The following GBP3 variants were observed in gnomAD, a reference collection of about 807,000 sequenced individuals.
The protein encoded by GBP3 is guanylate-binding protein 3.
In GBP3, 55 loss-of-function variants were observed where a neutral mutation model predicts 62.4. That is an observed-to-expected ratio of 0.88 (90% CI 0.71 to 1.10). GBP3 has a LOEUF of 1.10. GBP3 is among the 50% of genes least tolerant of loss of function. GBP3 has a pLI of 0.00. For synonymous variants in GBP3, 208 were observed against 259.2 expected (o/e 0.80, Z 1.90); for missense variants, 605 against 690.6 (o/e 0.88, Z 1.39).
intron 4 of GBP3, 131 bp downstream of exon 4, chr1:89,014,416 C>T (rs1361393859): frequency 6.3e-7 from 1 of 1,594,892 alleles, no homozygotes; most frequent in Non-Finnish European, 8.5e-7. Flanking sequence ...TGGGATCTCT[C>T]CTCTGTACTT....
At position 89,013,641 on chromosome 1, in the gene GBP3, T is replaced by A. The variant is rs913997827; in HGVS notation, c.626-214A>T. 162 of 556,146 alleles carry A rather than the reference T, an allele frequency of 2.9e-4. 7 individuals are homozygous for A. The South Asian group carries it at 3.7e-3, about 13-fold the overall frequency. 34.5% of individuals were successfully genotyped at this position (556,146 alleles called of 1,614,324 possible). On this transcript the variant is annotated intron_variant, in intron 5 of 10. Transcript: ENST00000370481. ...TTAGAAAGACAGCTGGCAGGCAGAATTGGCCATCATTTGTCTTAGGCTGCA... is the reference window on the plus strand; with the variant it reads ...TTAGAAAGACAGCTGGCAGGCAGAAATGGCCATCATTTGTCTTAGGCTGCA...
At position 89,014,669 on chromosome 1, in the gene GBP3, A is replaced by G. The variant is rs749127167; in HGVS notation, c.319-13T>C. ...TCTGGTTGTCACCCTGGAAGTCAAG[A>G]CACACTGGAGTCAGGAGCAAGTTTC... is the stretch of plus-strand genomic sequence containing the variant. On this transcript the variant is annotated splice_polypyrimidine_tract_variant and intron_variant, in intron 3 of 10. Transcript: ENST00000370481. The G allele has an allele frequency of 1.9e-6, 3 of 1,613,984 alleles. No individual in the cohort carries two copies. The highest frequency in any genetic ancestry group is 2.5e-6 in the Non-Finnish European group (3 of 1,179,924).
intron 10 of GBP3, among the ~76,000 whole-genome samples, chr1:89,008,581 A>G (rs1199032289): frequency 1.3e-5 from 2 of 151,050 alleles, no homozygotes; most frequent in Non-Finnish European, 2.9e-5. Context: ...GTGTGACACT[A>G]TAAAAGTTAT....
At chr1:89,022,618 T>A (rs1679309073) in intron 1 of GBP3, 66 bp downstream of exon 1, 1 of 152,222 alleles carries the variant, frequency 6.6e-6, no homozygotes, top group Non-Finnish European at 1.5e-5. Context: ...TGCCACAACG[T>A]TATAGGCTCC....
rs1678832023 is a variant in GBP3 at position 89,015,363 on chromosome 1, C to G, written c.242G>C (p.Trp81Ser). Residue 81 changes from tryptophan to serine, a missense_variant, in exon 3 of 11, where the codon TGG becomes TCG. By Grantham distance (177) the Trp-to-Ser change is radical (BLOSUM62 -3). Transcript: ENST00000370481. ...VKSHTKGIWM[W>S]CVPHPKKPEH... ...TGGCTTTTTGGGGTGAGGCACACAC[C>G]ACATCCAGATTCCTTTGGTGTGAGA... 2 of 1,613,410 alleles carry G rather than the reference C, an allele frequency of 1.2e-6. No homozygotes were observed. Among genetic ancestry groups the G allele is most frequent in the Non-Finnish European group, 1.7e-6 (2 of 1,179,752 alleles).
At position 89,011,872 on chromosome 1, in the gene GBP3, G is replaced by A. The variant is rs759231169; in HGVS notation, c.1024C>T (p.Gln342Ter). The part of the protein sequence containing the change: ...HYDQQMGQKV[Q>*]LPAETLQELL... ...TCCTGGAGGGTTTCTGCGGGCAGCT[G>A]CACCTTCTGGCCCATCTGCTGGTCA... is the stretch of plus-strand genomic sequence containing the variant. Residue 342 changes from glutamine to a stop codon, truncating the protein, a stop_gained, in exon 7 of 11, where the codon CAG becomes TAG. Transcript: ENST00000370481. LOFTEE classifies it high-confidence loss of function. 6.8e-7 allele frequency: 1 copy of A among 1,462,062 alleles called. No homozygotes were observed. The highest frequency in any genetic ancestry group is 9.5e-7 in the Non-Finnish European group (1 of 1,055,216). 90.6% of individuals were successfully genotyped at this position (1,462,062 alleles called of 1,614,324 possible).
At chr1:89,020,056 A>T (rs1032065491) in intron 2 of GBP3, 2 of 217,472 alleles carry the variant, frequency 9.2e-6, no homozygotes, top group African/African-American at 4.5e-5. Context: ...CATGGGCAAC[A>T]TGATGAAACC....
chr1:89,020,476 G>A (rs780049392), intron 2 of GBP3, 56 bp downstream of exon 2: 1 of 1,596,482 alleles, frequency 6.3e-7, no homozygotes, highest in Non-Finnish European at 8.6e-7. Flanking sequence ...CATAATGGAT[G>A]CTGACTGTGT....
rs1678577264 is a variant in GBP3 at position 89,011,742 on chromosome 1, A to G, written c.1149+5T>C. ...AAATCCATGTAAATGTGATAGAAAA[A>G]TTACCGCTAATTTCTTTTGAAACAG... On this transcript the variant is annotated splice_donor_5th_base_variant and intron_variant, in intron 7 of 10. Coordinates refer to ENST00000370481, the MANE Select transcript of GBP3 (RefSeq NM_018284.3). 1 of 1,461,904 alleles carries G rather than the reference A, an allele frequency of 6.8e-7. No homozygotes were observed. The highest frequency in any genetic ancestry group is 2.3e-5 in the East Asian group (1 of 43,224). 90.6% of individuals were successfully genotyped at this position (1,461,904 alleles called of 1,614,324 possible).
chr1:89,007,939 T>C, intron 10 of GBP3, 87 bp from the exon 11 acceptor site: 1 of 1,267,222 alleles, frequency 7.9e-7, no homozygotes. Flanking sequence ...TTGATTTATT[T>C]AGTACTTAGT....
rs1678832146 is a variant in GBP3 at position 89,015,365 on chromosome 1, C to A, written c.240G>T (p.Met80Ile). Residue 80 changes from methionine (M) to isoleucine (I), a missense_variant, in exon 3 of 11, where the codon ATG (methionine) becomes ATT (isoleucine). By Grantham distance (10) the Met-to-Ile change is conservative. This residue lies in a region of GBP3 where 308 missense variants were observed against 318.0 expected (regional missense o/e 0.97). Transcript: ENST00000370481. ...TVKSHTKGIW[M>I]WCVPHPKKPE... The stretch of plus-strand genomic sequence containing the variant: ...GCTTTTTGGGGTGAGGCACACACCA[C>A]ATCCAGATTCCTTTGGTGTGAGATT... 4 of 1,613,186 alleles carry A rather than the reference C, an allele frequency of 2.5e-6. 1 individual carries two copies. In the South Asian group the frequency reaches 4.4e-5, roughly 18 times the overall value.
chr1:89,010,715 C>T (rs1334803062), intron 8 of GBP3, among the ~76,000 whole-genome samples, 189 bp downstream of exon 8: 1 of 138,792 alleles, frequency 7.2e-6, no homozygotes, highest in East Asian at 2.1e-4. Flanking sequence ...CCGCCGACTG[C>T]ACTCTCTTTG....
chr1:89,022,000 T>A (rs1479791560), intron 1 of GBP3, among the ~76,000 whole-genome samples: 1 of 150,188 alleles, frequency 6.7e-6, no homozygotes, highest in African/African-American at 2.5e-5. Flanking sequence ...TACAGGAAAT[T>A]CTCCTGTAAA....
rs148597731 is a variant in GBP3, at chr1:89,019,445, T to C, written c.190+1087A>G. On this transcript the variant is annotated intron_variant, in intron 2 of 10. Coordinates refer to ENST00000370481, the MANE Select transcript of GBP3 (RefSeq NM_018284.3). ...CTGGGATTACAGGCATGTGCCACCA[T>C]GCCCAGCTAATTTTGTATTTTTAGT... Among the ~76,000 whole-genome samples, 11 of 152,240 alleles carry C rather than the reference T, an allele frequency of 7.2e-5. No homozygotes were observed. In the East Asian group the frequency reaches 1.9e-3, roughly 27 times the overall value.
chr1:89,010,973 A>G lies in GBP3; in HGVS notation c.1293T>C (p.Tyr431=), dbSNP rs1428958638. 1 of 1,461,644 alleles carries G rather than the reference A, an allele frequency of 6.8e-7. No homozygotes were observed. Among genetic ancestry groups the G allele is most frequent in the East Asian group, 2.3e-5 (1 of 43,204 alleles). 90.5% of individuals were successfully genotyped at this position (1,461,644 alleles called of 1,614,324 possible). ...CTTGTAGCTTCTGAATAAAGAGACA[A>G]TAGCCCCCTGGTTTCGAATAAATTC... is the stretch of plus-strand genomic sequence containing the variant. ...KAGIYSKPGG[Y]CLFIQKLQDL... is the part of the protein sequence containing the mutation. The change falls in exon 8 of 11, where the codon TAT becomes TAC. Residue 431 remains tyrosine, a synonymous_variant. Coordinates refer to ENST00000370481, the MANE Select transcript of GBP3 (RefSeq NM_018284.3).
At chr1:89,021,533 CACACACACACA>C (rs1679208316) in intron 1 of GBP3, among the ~76,000 whole-genome samples, 4 of 142,952 alleles carry the variant, frequency 2.8e-5, no homozygotes, top group Non-Finnish European at 4.8e-5. Context: ...CACACACACA[CACACACACACA>C]CCCCAAAAAA....
In GBP3 at chr1:89,009,372, T is replaced by C. The variant is rs1206318382; in HGVS notation, c.1465+20A>G. On this transcript the variant is annotated intron_variant, in intron 9 of 10. Coordinates refer to ENST00000370481, the MANE Select transcript of GBP3 (RefSeq NM_018284.3). ...TTTGAAAAGCTTTAGGATAATCTGA[T>C]CCTTTGACTTGCTCCTCACCTTCAA... The C allele has an allele frequency of 6.2e-7, 1 of 1,608,978 alleles. No individual in the cohort carries two copies. The highest frequency in any genetic ancestry group is 8.5e-7 in the Non-Finnish European group (1 of 1,175,636).
chr1:89,014,767 G>T, intron 3 of GBP3, 111 bp from the exon 4 acceptor site: 1 of 1,360,806 alleles, frequency 7.3e-7, no homozygotes, highest in South Asian at 1.4e-5. Context: ...TAAGACTAAT[G>T]ACCTATGAAA....
intron 6 of GBP3, 108 bp downstream of exon 6, chr1:89,013,077 A>T (rs1678662727): frequency 1.6e-6 from 2 of 1,237,180 alleles, no homozygotes; most frequent in African/African-American, 1.5e-5. Flanking sequence ...GCCTCAAGTG[A>T]TCTGCCCTCC....
Sources: gnomAD v4.1 joint callset for allele counts (sites outside exome capture counted in the v4.1 genomes callset) on GRCh38, gnomAD v4.1.1 for gene constraint, gnomAD v4.1.1 regional missense constraint, MANE v1.5 for transcripts, NCBI Gene and HGNC (gene_info 2026-07-23, HGNC 2026-07-21) for gene names.